Variants in RPH3A observed in about 807,000 individuals in gnomAD.
RPH3A encodes the protein rabphilin-3A.
A neutral mutation model predicts 102.2 loss-of-function variants in RPH3A; 48 were observed. That is an observed-to-expected ratio of 0.47 (90% CI 0.37 to 0.60). The LOEUF is 0.60. RPH3A is among the 20% of genes least tolerant of loss of function. The pLI is 0.00. For missense variants in RPH3A, 781 were observed against 910.1 expected (o/e 0.86, Z 1.83); for synonymous variants, 310 against 324.3 (o/e 0.96, Z 0.47).
At chr12:112,583,814 A>C (rs1451522756) in intron 1 of RPH3A, among the ~76,000 whole-genome samples, 1 of 152,160 alleles carries the variant, frequency 6.6e-6, no homozygotes, top group East Asian at 1.9e-4. Flanking sequence ...GTGAAACCCC[A>C]TCTTTACTAA....
intron 1 of RPH3A, among the ~76,000 whole-genome samples, chr12:112,652,946 T>C (rs2039985516): frequency 6.6e-6 from 1 of 152,204 alleles, no homozygotes; most frequent in South Asian, 2.1e-4. Context: ...ATTGTACCAC[T>C]AGGCTGTATG....
intron 5 of RPH3A, among the ~76,000 whole-genome samples, chr12:112,864,245 G>C (rs907901600): frequency 4.6e-5 from 7 of 152,150 alleles, no homozygotes; most frequent in African/African-American, 1.4e-4. Flanking sequence ...AAGGTCAGGA[G>C]ATCAAGATAA....
At chr12:112,749,872 G>A (rs1356016840) in intron 1 of RPH3A, among the ~76,000 whole-genome samples, 1 of 152,184 alleles carries the variant, frequency 6.6e-6, no homozygotes, top group Non-Finnish European at 1.5e-5. Flanking sequence ...CTGAATTAGA[G>A]TTCTCTCTTT....
At chr12:112,782,519 T>C (rs2041016980) in intron 1 of RPH3A, among the ~76,000 whole-genome samples, 1 of 152,174 alleles carries the variant, frequency 6.6e-6, no homozygotes, top group Non-Finnish European at 1.5e-5. Flanking sequence ...CGTCTTTCTG[T>C]ATTCTTAGCA....
intron 1 of RPH3A, among the ~76,000 whole-genome samples, chr12:112,771,941 A>C (rs896372366): frequency 6.6e-6 from 1 of 152,216 alleles, no homozygotes; most frequent in Non-Finnish European, 1.5e-5. Flanking sequence ...CTTCAGTCAT[A>C]CATTTGTTTA....
intron 3 of RPH3A, among the ~76,000 whole-genome samples, chr12:112,832,117 CT>C (rs2041979827): frequency 6.6e-6 from 1 of 152,036 alleles, no homozygotes; most frequent in African/African-American, 2.4e-5. Context: ...CTCTCTCTCA[CT>C]TTTTTCTTTG....
chr12:112,748,908 C>T (rs981991288), intron 1 of RPH3A, among the ~76,000 whole-genome samples: 2 of 151,898 alleles, frequency 1.3e-5, no homozygotes, highest in Non-Finnish European at 2.9e-5. Flanking sequence ...ATGCCAATTC[C>T]CAAGATTTAA....
At chr12:112,645,332 G>A (rs1418324984) in intron 1 of RPH3A, among the ~76,000 whole-genome samples, 1 of 152,134 alleles carries the variant, frequency 6.6e-6, no homozygotes, top group African/African-American at 2.4e-5. Flanking sequence ...TTAAATGTCT[G>A]CCGGTTTCTT....
rs2136189714 is a variant in RPH3A at position 112,847,771 on chromosome 12, G to A, written c.159G>A (p.Glu53=). The A allele has an allele frequency of 6.2e-7, 1 of 1,614,152 alleles. No individual in the cohort carries two copies. Among genetic ancestry groups the A allele is most frequent in the Non-Finnish European group, 8.5e-7 (1 of 1,179,998 alleles). ...GGAAGCAGGAAGAGCTGACTGATGA[G>A]GAGAAAGAAATCATCAACAGGGTGA... The part of the protein sequence containing the change: ...RQRKQEELTD[E]EKEIINRVIA... The change falls in exon 5 of 22, where the codon GAG becomes GAA. Residue 53 remains glutamate, a synonymous_variant. Coordinates refer to ENST00000389385, the MANE Select transcript of RPH3A (RefSeq NM_001143854.2).
At chr12:112,704,671 C>T (rs892612908) in intron 1 of RPH3A, among the ~76,000 whole-genome samples, 1 of 152,196 alleles carries the variant, frequency 6.6e-6, no homozygotes, top group Non-Finnish European at 1.5e-5. Flanking sequence ...ATGCTCACCT[C>T]CTGCGATCCT....
rs1296384835 is a variant in RPH3A, at chr12:112,887,880, A to G, written c.1520A>G (p.Asn507Ser). Residue 507 changes from asparagine (N) to serine (S), a missense_variant, in exon 17 of 22, where the codon AAC becomes AGC. Around this residue, in one of 2 missense-constraint regions of RPH3A, gnomAD observed 730 missense variants for 810.0 expected, o/e 0.90. Transcript: ENST00000389385. ...TTCTCCCTCAAGAAACTGAAGCCCA[A>G]CCAGAGGAAGAATTTCAACATCTGC... Reference protein sequence around the residue: ...TRFSLKKLKPNQRKNFNICLE... With the variant: ...TRFSLKKLKPSQRKNFNICLE... 6.2e-7 allele frequency: 1 copy of G among 1,613,950 alleles called. No homozygotes were observed. Among genetic ancestry groups the G allele is most frequent in the South Asian group, 1.1e-5 (1 of 91,076 alleles).
intron 4 of RPH3A, among the ~76,000 whole-genome samples, chr12:112,843,286 G>C (rs1431719639): frequency 6.6e-6 from 1 of 152,178 alleles, no homozygotes; most frequent in Admixed American, 6.5e-5. Context: ...CTGTCTGTTT[G>C]CTTCTGGAAT....
At chr12:112,577,135 G>A in intron 1 of RPH3A, among the ~76,000 whole-genome samples, 1 of 152,132 alleles carries the variant, frequency 6.6e-6, no homozygotes, top group South Asian at 2.1e-4. Flanking sequence ...TTCGGGGCGA[G>A]TACATAGAGT....
chr12:112,765,798 G>C (rs2040884562), intron 1 of RPH3A, among the ~76,000 whole-genome samples: 1 of 152,192 alleles, frequency 6.6e-6, no homozygotes, highest in Non-Finnish European at 1.5e-5. Flanking sequence ...AGTACCCATT[G>C]ATTGGGCAAT....
chr12:112,643,841 T>C (rs1399420124), intron 1 of RPH3A, among the ~76,000 whole-genome samples: 1 of 152,118 alleles, frequency 6.6e-6, no homozygotes, highest in Non-Finnish European at 1.5e-5. Context: ...AAAGAAATCA[T>C]TAAAGAAAAA....
chr12:112,660,284 A>G (rs2040040770), intron 1 of RPH3A, among the ~76,000 whole-genome samples: 1 of 152,262 alleles, frequency 6.6e-6, no homozygotes, highest in East Asian at 1.9e-4. Flanking sequence ...AGTTTATTCT[A>G]GTTTTCTCCC....
chr12:112,841,706 G>GTTTTTTTTTTTTT (rs150878418), intron 4 of RPH3A, among the ~76,000 whole-genome samples: 2 of 145,066 alleles, frequency 1.4e-5, no homozygotes. Flanking sequence ...TTGTTTTTTT[G>GTTTTTTTTTTTTT]GTTTTTTTTT....
intron 1 of RPH3A, among the ~76,000 whole-genome samples, chr12:112,658,819 T>C (rs1055907271): frequency 6.6e-6 from 1 of 152,226 alleles, no homozygotes; most frequent in African/African-American, 2.4e-5. Context: ...TAATGGTTCC[T>C]GTTGGACTGG....
chr12:112,596,484 C>G (rs1203425954), intron 1 of RPH3A, among the ~76,000 whole-genome samples: 2 of 152,170 alleles, frequency 1.3e-5, no homozygotes, highest in Non-Finnish European at 2.9e-5. Flanking sequence ...ATTATTTTCC[C>G]CTTCCTGTGC....
Sources: allele counts gnomAD v4.1 joint callset (sites outside exome capture counted in the v4.1 genomes callset), GRCh38; gene constraint gnomAD v4.1.1; regional missense constraint gnomAD v4.1.1; transcripts MANE v1.5; gene names NCBI Gene and HGNC (gene_info 2026-07-23, HGNC 2026-07-21).